DYNC1I1: variants seen among roughly 807,000 people sequenced by gnomAD.
DYNC1I1 encodes cytoplasmic dynein 1 intermediate chain 1.
DYNC1I1 carries 43 observed loss-of-function variants against 86.6 expected under a neutral mutation model. The ratio of observed to expected loss-of-function variants is 0.50; its 90% CI spans 0.39 to 0.64. The LOEUF is 0.64. DYNC1I1 is among the 30% of genes least tolerant of loss of function. The pLI, the probability that DYNC1I1 is intolerant of heterozygous loss-of-function variation, is 0.00. For synonymous variants in DYNC1I1, 262 were observed against 283.7 expected, an observed-to-expected ratio of 0.92 and a Z score of 0.77; for missense variants, 604 against 788.8, an observed-to-expected ratio of 0.77 and a Z score of 2.81.
intron 6 of DYNC1I1, among the ~76,000 whole-genome samples, chr7:95,894,126 G>A (rs1161104653): frequency 6.6e-6 from 1 of 151,638 alleles, no homozygotes; most frequent in East Asian, 1.9e-4. Context: ...CCCATGCAAA[G>A]CATCCTGGAA....
chr7:96,053,450 A>G (rs1037278243), intron 14 of DYNC1I1, among the ~76,000 whole-genome samples: 9 of 152,000 alleles, frequency 5.9e-5, no homozygotes, highest in African/African-American at 2.2e-4. Context: ...ATTGTTTTTA[A>G]ATTTGGGGGG....
chr7:95,785,370 C>T (rs1051518567), intron 1 of DYNC1I1, among the ~76,000 whole-genome samples: 6 of 152,080 alleles, frequency 3.9e-5, no homozygotes, highest in African/African-American at 9.7e-5. Context: ...GCCAAGATTG[C>T]GCCATTGCAC....
In DYNC1I1 at chr7:95,987,132, A is replaced by G; in HGVS notation, c.820A>G (p.Thr274Ala). ...ACATTGGTCCAAGCATCGAGTGGTC[A>G]CTTGTATGGACTGGTCCCTCCAGGT... ...DEHWSKHRVV[T>A]CMDWSLQYPE... Residue 274 changes from threonine (T) to alanine (A), a missense_variant, in exon 9 of 17, where the codon ACT becomes GCT. Coordinates refer to ENST00000447467, the MANE Select transcript of DYNC1I1 (RefSeq NM_001135556.2). 6.2e-7 allele frequency: 1 copy of G among 1,613,986 alleles called. No individual in the cohort carries two copies. Among genetic ancestry groups the G allele is most frequent in the African/African-American group, 1.3e-5 (1 of 75,046 alleles).
At position 95,813,227 on chromosome 7, in the gene DYNC1I1, C is replaced by T. The variant is rs564184657; in HGVS notation, c.224-20C>T. On this transcript the variant is annotated intron_variant, in intron 3 of 16. Coordinates refer to ENST00000447467, the MANE Select transcript of DYNC1I1 (RefSeq NM_001135556.2). ...CGCTGCATTTTTTAACATGGGATACCTGTTATTTTCATTATTTAGTCCCAA... is the reference window on the plus strand; with the variant it reads ...CGCTGCATTTTTTAACATGGGATACTTGTTATTTTCATTATTTAGTCCCAA... The T allele has an allele frequency of 3.9e-5, 63 of 1,612,622 alleles. No homozygotes were observed. In the East Asian group the frequency reaches 1.3e-3, roughly 34 times the overall value.
chr7:95,968,418 T>A (rs948984048), intron 6 of DYNC1I1, among the ~76,000 whole-genome samples: 1 of 152,182 alleles, frequency 6.6e-6, no homozygotes, highest in African/African-American at 2.4e-5. Flanking sequence ...ACTCTGTCCT[T>A]AGGAACAATT....
At chr7:95,899,743 G>A (rs890484734) in intron 6 of DYNC1I1, among the ~76,000 whole-genome samples, 2 of 152,104 alleles carry the variant, frequency 1.3e-5, no homozygotes, top group South Asian at 4.1e-4. Flanking sequence ...AGCATGTTAG[G>A]ATATTTAAAG....
At chr7:95,974,513 T>C (rs185008107) in intron 6 of DYNC1I1, among the ~76,000 whole-genome samples, 5 of 152,288 alleles carry the variant, frequency 3.3e-5, no homozygotes, top group Admixed American at 3.3e-4. Flanking sequence ...AAATGGGGGC[T>C]CAGAGAGTTC....
chr7:95,995,750 A>G (rs1232022111), intron 9 of DYNC1I1, among the ~76,000 whole-genome samples, 198 bp from the exon 10 acceptor site: 4 of 152,190 alleles, frequency 2.6e-5, no homozygotes, highest in Non-Finnish European at 5.9e-5. Context: ...ACCGGTGAGT[A>G]TGACAAGCGC....
chr7:95,808,809 A>C (rs1475689546), intron 2 of DYNC1I1, among the ~76,000 whole-genome samples: 2 of 152,168 alleles, frequency 1.3e-5, no homozygotes, highest in African/African-American at 4.8e-5. Flanking sequence ...GGCACCTTGA[A>C]GATTTTTAAT....
intron 6 of DYNC1I1, among the ~76,000 whole-genome samples, chr7:95,879,270 T>C (rs1165033016): frequency 2.0e-5 from 3 of 152,202 alleles, no homozygotes; most frequent in Admixed American, 6.5e-5. Context: ...ACTATACCAA[T>C]AATTGTATTA....
At chr7:96,019,614 A>G (rs1794492565) in intron 10 of DYNC1I1, among the ~76,000 whole-genome samples, 1 of 152,176 alleles carries the variant, frequency 6.6e-6, no homozygotes. Context: ...TAAATGATGA[A>G]TAAGTAATAA....
chr7:96,046,927 T>C lies in DYNC1I1; in HGVS notation c.1509+7506T>C, dbSNP rs142473973. On this transcript the variant is annotated intron_variant, in intron 14 of 16. Transcript: ENST00000447467. ...GAGGTGTCTGGAAATTCCCACAATG[T>C]AATTGAAGATATTTGTCTTAGTCCA... Among the ~76,000 whole-genome samples, 461 of 152,278 alleles carry C rather than the reference T, an allele frequency of 3.0e-3. 2 individuals carry two copies. The highest frequency in any genetic ancestry group is 4.9e-3 in the Non-Finnish European group (336 of 68,024).
intron 6 of DYNC1I1, among the ~76,000 whole-genome samples, chr7:95,937,088 C>T (rs1192172658): frequency 6.6e-6 from 1 of 151,688 alleles, no homozygotes; most frequent in Non-Finnish European, 1.5e-5. Context: ...AAGAAAAGTA[C>T]TACCTTATCT....
At chr7:96,108,833 C>T (rs1791260653) in intron 16 of DYNC1I1, among the ~76,000 whole-genome samples, 3 of 149,162 alleles carry the variant, frequency 2.0e-5, no homozygotes, top group Admixed American at 2.0e-4. Context: ...TGCACTCCAG[C>T]CTTGGCGACA....
intron 14 of DYNC1I1, among the ~76,000 whole-genome samples, chr7:96,065,378 C>CTTTTTTTTTT (rs34423655): frequency 1.6e-5 from 2 of 127,582 alleles, no homozygotes; most frequent in African/African-American, 3.0e-5. Context: ...TTCTTTCTTT[C>CTTTTTTTTTT]TTTTTTTTTT....
At chr7:95,850,809 T>A (rs1247244132) in intron 5 of DYNC1I1, among the ~76,000 whole-genome samples, 1 of 152,242 alleles carries the variant, frequency 6.6e-6, no homozygotes, top group Non-Finnish European at 1.5e-5. Flanking sequence ...ATTGAGAATG[T>A]GTACCTTTTC....
chr7:95,928,308 AT>A (rs1240720854), intron 6 of DYNC1I1, among the ~76,000 whole-genome samples: 1 of 152,204 alleles, frequency 6.6e-6, no homozygotes, highest in Non-Finnish European at 1.5e-5. Flanking sequence ...TTTTCTCAAT[AT>A]GGTTCAGACC....
intron 15 of DYNC1I1, 82 bp downstream of exon 15, chr7:96,076,279 A>G: frequency 1.3e-6 from 2 of 1,549,232 alleles, no homozygotes; most frequent in Middle Eastern, 1.8e-4. Flanking sequence ...CTCTTTCTCC[A>G]AAACGGCCTT....
At chr7:96,067,239 A>C (rs974374287) in intron 14 of DYNC1I1, among the ~76,000 whole-genome samples, 1 of 152,182 alleles carries the variant, frequency 6.6e-6, no homozygotes, top group African/African-American at 2.4e-5. Flanking sequence ...CACTTACCAG[A>C]TAACAGAGTG....
Sources: gnomAD v4.1 joint callset for allele counts (sites outside exome capture counted in the v4.1 genomes callset) on GRCh38, gnomAD v4.1.1 for gene constraint, MANE v1.5 for transcripts, NCBI Gene and HGNC (gene_info 2026-07-23, HGNC 2026-07-21) for gene names.